The following CDS2 variants were observed in gnomAD, a reference collection of about 807,000 sequenced individuals.
CDS2 encodes CDP-diacylglycerol synthase 2.
A neutral mutation model predicts 59.0 loss-of-function variants in CDS2; 47 were observed. That is an observed-to-expected ratio of 0.80 (90% CI 0.63 to 1.02). The LOEUF is 1.02. Ranked by LOEUF, CDS2 falls within the 50% of genes least tolerant of loss-of-function variation. The pLI is 0.00. For synonymous variants in CDS2, 207 were observed against 206.4 expected, an observed-to-expected ratio of 1.00 and a Z score of -0.02; for missense variants, 356 against 558.9, an observed-to-expected ratio of 0.64 and a Z score of 3.66.
At chr20:5,137,830 G>A (rs937215934) in intron 1 of CDS2, among the ~76,000 whole-genome samples, 13 of 151,126 alleles carry the variant, frequency 8.6e-5, no homozygotes, top group Non-Finnish European at 1.3e-4. Flanking sequence ...ACGGAGTCTC[G>A]CTCTGTCGCC....
intron 1 of CDS2, among the ~76,000 whole-genome samples, chr20:5,144,569 T>A (rs144288042): frequency 4.1e-4 from 63 of 152,302 alleles, no homozygotes; most frequent in African/African-American, 1.3e-3. Context: ...ATATCTCTTT[T>A]GAGATTTGAC....
At chr20:5,172,253 A>G (rs2090961552) in intron 1 of CDS2, among the ~76,000 whole-genome samples, 1 of 152,212 alleles carries the variant, frequency 6.6e-6, no homozygotes, top group African/African-American at 2.4e-5. Context: ...CGTTGTGGTC[A>G]GCGCTGAGAG....
intron 1 of CDS2, among the ~76,000 whole-genome samples, chr20:5,170,140 C>T (rs1457296750): frequency 6.6e-6 from 1 of 152,164 alleles, no homozygotes; most frequent in Non-Finnish European, 1.5e-5. Context: ...AGGATGGAGG[C>T]CTGTGCTGTG....
At chr20:5,129,740 CG>C (rs200028964) in intron 1 of CDS2, among the ~76,000 whole-genome samples, 384 of 148,312 alleles carry the variant, frequency 2.6e-3, no homozygotes, top group African/African-American at 8.9e-3. Flanking sequence ...CTGTACCTGG[CG>C]TTTTTTTTTT....
intron 1 of CDS2, among the ~76,000 whole-genome samples, chr20:5,152,823 G>A (rs530785663): frequency 1.3e-5 from 2 of 152,326 alleles, no homozygotes; most frequent in South Asian, 4.1e-4. Flanking sequence ...TCCTCTTGAG[G>A]ATTATGGAGG....
At chr20:5,138,420 T>C (rs1311152857) in intron 1 of CDS2, among the ~76,000 whole-genome samples, 1 of 152,218 alleles carries the variant, frequency 6.6e-6, no homozygotes, top group Middle Eastern at 3.2e-3. Context: ...CATAGATTTA[T>C]TTCTGAGTTC....
intron 1 of CDS2, among the ~76,000 whole-genome samples, chr20:5,142,288 A>T (rs1253560581): frequency 6.6e-6 from 1 of 152,136 alleles, no homozygotes; most frequent in Non-Finnish European, 1.5e-5. Context: ...CTCTACTAAA[A>T]ATAGAAAAAT....
intron 1 of CDS2, among the ~76,000 whole-genome samples, chr20:5,164,043 G>A (rs780438206): frequency 2.6e-5 from 4 of 152,012 alleles, no homozygotes; most frequent in African/African-American, 9.7e-5. Context: ...GCCCACCTTG[G>A]CCTCCTGAAG....
intron 1 of CDS2, among the ~76,000 whole-genome samples, chr20:5,132,568 C>T (rs977359352): frequency 2.0e-5 from 3 of 151,990 alleles, no homozygotes; most frequent in Admixed American, 2.0e-4. Flanking sequence ...AGAACTATAA[C>T]TACTTCAGGT....
At chr20:5,148,896 C>T (rs552218736) in intron 1 of CDS2, among the ~76,000 whole-genome samples, 1 of 152,302 alleles carries the variant, frequency 6.6e-6, no homozygotes, top group Non-Finnish European at 1.5e-5. Flanking sequence ...TCAGTATGTA[C>T]GCAGTGGTCT....
At chr20:5,149,984 G>A (rs994790639) in intron 1 of CDS2, among the ~76,000 whole-genome samples, 66 of 152,290 alleles carry the variant, frequency 4.3e-4, no homozygotes, top group African/African-American at 1.6e-3. Flanking sequence ...CAAAGTGCTA[G>A]GATTACAGGT....
At chr20:5,167,718 C>G (rs2090923187) in intron 1 of CDS2, among the ~76,000 whole-genome samples, 1 of 152,100 alleles carries the variant, frequency 6.6e-6, no homozygotes. Context: ...AGTTGCCCTC[C>G]CTGGCAGCTG....
intron 1 of CDS2, among the ~76,000 whole-genome samples, chr20:5,149,957 C>T (rs540335294): frequency 2.0e-5 from 3 of 152,188 alleles, no homozygotes; most frequent in African/African-American, 7.2e-5. Flanking sequence ...TTAGTTGATC[C>T]ACCCACTTCG....
At position 5,175,270 on chromosome 20, in the gene CDS2, G is replaced by A. The variant is rs778162011; in HGVS notation, c.282G>A (p.Leu94=). The change falls in exon 3 of 13, where the codon TTG becomes TTA. Residue 94 remains leucine (L), a synonymous_variant. Coordinates refer to ENST00000460006, the MANE Select transcript of CDS2 (RefSeq NM_003818.4). ...TCATTTACCTGGGACCAATGGTTTTGATGATAATCGTAAGTGCCATTTCAC... is the reference window on the plus strand; with the variant it reads ...TCATTTACCTGGGACCAATGGTTTTAATGATAATCGTAAGTGCCATTTCAC... The part of the protein sequence containing the change: ...FIIIYLGPMV[L]MIIVMCVQIK... 1.1e-5 allele frequency: 18 copies of A among 1,613,360 alleles called. No individual in the cohort carries two copies. The highest frequency in any genetic ancestry group is 1.5e-5 in the Non-Finnish European group (18 of 1,179,404).
At chr20:5,144,158 G>C (rs2090720292) in intron 1 of CDS2, among the ~76,000 whole-genome samples, 1 of 151,974 alleles carries the variant, frequency 6.6e-6, no homozygotes, top group East Asian at 1.9e-4. Flanking sequence ...GCCACACTTG[G>C]GTATTCTTGT....
At chr20:5,154,867 C>G (rs771843621) in intron 1 of CDS2, among the ~76,000 whole-genome samples, 1 of 152,200 alleles carries the variant, frequency 6.6e-6, no homozygotes, top group Non-Finnish European at 1.5e-5. Flanking sequence ...AGGCTGGTCT[C>G]AAACTTCTGA....
At position 5,191,431 on chromosome 20, in the gene CDS2, T is replaced by C. The variant is rs1170207652; in HGVS notation, c.*1197T>C. 1.3e-5 allele frequency: 2 copies of C among 152,212 alleles called. No homozygotes were observed. Among genetic ancestry groups the C allele is most frequent in the Non-Finnish European group, 1.5e-5 (1 of 68,044 alleles). The allele number at this position is 152,212 out of a possible 1,614,324, so 9.4% of individuals were successfully genotyped here. A position where few individuals can be genotyped will look rare whatever the true frequency, so the allele number is the denominator to read the frequency against. On this transcript the variant is annotated 3_prime_UTR_variant, in exon 13 of 13. Transcript: ENST00000460006. ...AAACTGTGATTTTTTTTCCCCTCCC[T>C]AATTTCAGGGGTGAGATTGACTTTG...
At chr20:5,189,869 G>A in intron 12 of CDS2, 31 bp downstream of exon 12, 1 of 1,561,578 alleles carries the variant, frequency 6.4e-7, no homozygotes, top group Non-Finnish European at 8.8e-7. Flanking sequence ...AACCAAGTTG[G>A]TGGATTTTTA....
chr20:5,189,367 CGTT>C (rs1430408971), intron 11 of CDS2, among the ~76,000 whole-genome samples, 181 bp downstream of exon 11: 1 of 152,010 alleles, frequency 6.6e-6, no homozygotes. Flanking sequence ...AAAATGCAAT[CGTT>C]GTTTTTCAGT....
Sources: allele counts gnomAD v4.1 joint callset (sites outside exome capture counted in the v4.1 genomes callset), GRCh38; gene constraint gnomAD v4.1.1; transcripts MANE v1.5; gene names NCBI Gene and HGNC (gene_info 2026-07-23, HGNC 2026-07-21).